The following TENM2 variants were observed in gnomAD, a reference collection of about 807,000 sequenced individuals.
TENM2 encodes the protein teneurin-2.
Under a neutral mutation model 245.2 loss-of-function variants are expected in TENM2, and 52 were observed. The observed-to-expected ratio is 0.21, with a 90% confidence interval of 0.17 to 0.27. The LOEUF is 0.27. TENM2 is among the 10% of genes least tolerant of loss of function. TENM2 has a pLI of 1.00. For synonymous variants in TENM2, 1,363 were observed against 1,438.9 expected, an observed-to-expected ratio of 0.95 and a Z score of 1.19; for missense variants, 3,046 against 3,666.8, an observed-to-expected ratio of 0.83 and a Z score of 4.37.
chr5:167,799,614 G>A (rs781175642), intron 2 of TENM2, among the ~76,000 whole-genome samples: 1 of 152,228 alleles, frequency 6.6e-6, no homozygotes. Context: ...GATGCTTTGT[G>A]TTAAGGTTCA....
At position 167,358,127 on chromosome 5, in the gene TENM2, ACTT is replaced by A. The variant is rs530234110; in HGVS notation, c.227-17065_227-17063del. Among the ~76,000 whole-genome samples the A allele has an allele frequency of 1.9e-4, 29 of 152,154 alleles. No homozygotes were observed. In the East Asian group the frequency reaches 5.4e-3, roughly 28 times the overall value. On this transcript the variant is annotated intron_variant, in intron 1 of 28. Transcript: ENST00000518659. Reference sequence around the variant, plus strand: ...TCTTTTCCCTGACTTACATTCACCCACTTCTTCTACCAGTTACTGCCACATTCC... The same window carrying A: ...TCTTTTCCCTGACTTACATTCACCCACTTCTACCAGTTACTGCCACATTCC...
exon 29 of TENM2, chr5:168,262,462 C>T (rs1043952229): frequency 1.2e-5 from 18 of 1,565,090 alleles, no homozygotes; most frequent in African/African-American, 2.7e-5. Flanking sequence ...TGCTGGTCAA[C>T]GGCAGGACTC....
chr5:167,046,268 C>A, the TENM2 span, among the ~76,000 whole-genome samples: 1 of 152,050 alleles, frequency 6.6e-6, no homozygotes, highest in East Asian at 1.9e-4. Context: ...GGGATTTTTT[C>A]CCCCAAATAT....
the TENM2 span, among the ~76,000 whole-genome samples, chr5:167,197,822 G>A: frequency 6.6e-6 from 1 of 151,800 alleles, no homozygotes; most frequent in Admixed American, 6.6e-5. Flanking sequence ...TCTTTCTAGA[G>A]TATGAGATAT....
rs149689149 is a variant in TENM2, at chr5:168,188,175, C to T, written c.2570-2162C>T. ...AAATTACATATTTCATTTTCATTAG[C>T]GGAACCAAACGAAAAGGGTAATGCC... On this transcript the variant is annotated intron_variant, in intron 13 of 28. Coordinates refer to ENST00000518659, the Ensembl canonical transcript of TENM2. Among the ~76,000 whole-genome samples the T allele has an allele frequency of 2.0e-5, 3 of 152,232 alleles. No individual in the cohort carries two copies. The East Asian group carries it at 5.8e-4, about 29-fold the overall frequency.
chr5:167,397,590 G>A (rs193265519), intron 2 of TENM2, among the ~76,000 whole-genome samples: 2 of 152,218 alleles, frequency 1.3e-5, no homozygotes, highest in Non-Finnish European at 2.9e-5. Flanking sequence ...TAATAATGTG[G>A]TGAATTAACA....
the TENM2 span, among the ~76,000 whole-genome samples, chr5:167,114,463 A>C: frequency 6.6e-6 from 1 of 152,218 alleles, no homozygotes; most frequent in Non-Finnish European, 1.5e-5. Context: ...ATTATCAGGA[A>C]AATAATCACT....
rs142628872 is a variant in TENM2 at position 167,533,319 on chromosome 5, T to C, written c.502+157846T>C. Among the ~76,000 whole-genome samples the C allele has an allele frequency of 2.9e-4, 44 of 152,246 alleles. No individual in the cohort carries two copies. The East Asian group carries it at 8.1e-3, about 28-fold the overall frequency. The stretch of plus-strand genomic sequence containing the variant: ...GAAGTTTCTGAACTTGGAGGTACCA[T>C]GTTCATAGTGGTTTTGGAAAGTTTT... On this transcript the variant is annotated intron_variant, in intron 2 of 28. Coordinates refer to ENST00000518659, the Ensembl canonical transcript of TENM2.
At chr5:168,146,657 T>A (rs1480020806) in intron 12 of TENM2, among the ~76,000 whole-genome samples, 6 of 152,230 alleles carry the variant, frequency 3.9e-5, no homozygotes, top group Non-Finnish European at 7.3e-5. Context: ...GTCCCATTGC[T>A]AAGTTCTCAG....
the TENM2 span, among the ~76,000 whole-genome samples, chr5:167,094,177 C>T: frequency 6.6e-6 from 1 of 152,014 alleles, no homozygotes; most frequent in Admixed American, 6.6e-5. Flanking sequence ...TTATATATTA[C>T]AATTTTCTTG....
At chr5:167,378,247 A>C (rs1052662110) in intron 2 of TENM2, among the ~76,000 whole-genome samples, 1 of 152,106 alleles carries the variant, frequency 6.6e-6, no homozygotes, top group Non-Finnish European at 1.5e-5. Context: ...TAAAATCTTT[A>C]ATTTTGCCAA....
intron 2 of TENM2, among the ~76,000 whole-genome samples, chr5:167,761,696 G>T (rs575931673): frequency 2.0e-5 from 3 of 152,148 alleles, no homozygotes; most frequent in Admixed American, 1.3e-4. Flanking sequence ...ATGGATTGAG[G>T]ACCACAGGCC....
the TENM2 span, among the ~76,000 whole-genome samples, chr5:167,032,269 G>A: frequency 6.6e-6 from 1 of 152,198 alleles, no homozygotes; most frequent in Non-Finnish European, 1.5e-5. Flanking sequence ...ACAGAGAGCA[G>A]TGGTACAATC....
chr5:167,264,425 T>C, the TENM2 span, among the ~76,000 whole-genome samples: 1 of 152,202 alleles, frequency 6.6e-6, no homozygotes, highest in East Asian at 1.9e-4. Context: ...TGAAATAATT[T>C]AGCTGTTACT....
Position 167,351,459 on chromosome 5 carries a change from A to G in TENM2, c.227-23739A>G, listed in dbSNP as rs187377029. On this transcript the variant is annotated intron_variant, in intron 1 of 28. Coordinates refer to ENST00000518659, the Ensembl canonical transcript of TENM2. ...CTTCTGCTTCACAAGAACTAGACAC[A>G]TGGCCTGACCTAGATGCTATGGGTT... is the stretch of plus-strand genomic sequence containing the variant. Among the ~76,000 whole-genome samples, 416 of 152,278 alleles carry G rather than the reference A, an allele frequency of 2.7e-3. 1 individual carries two copies. The highest frequency in any genetic ancestry group is 9.7e-3 in the African/African-American group (403 of 41,552).
intron 2 of TENM2, among the ~76,000 whole-genome samples, chr5:167,376,647 A>T (rs556058307): frequency 6.6e-6 from 1 of 152,254 alleles, no homozygotes; most frequent in East Asian, 1.9e-4. Flanking sequence ...CAGTGGGGAC[A>T]AGGGGATGTG....
At chr5:167,145,482 G>A in the TENM2 span, among the ~76,000 whole-genome samples, 1 of 152,262 alleles carries the variant, frequency 6.6e-6, no homozygotes, top group African/African-American at 2.4e-5. Context: ...AAGGTAGAAG[G>A]AACAGAACAT....
intron 2 of TENM2, among the ~76,000 whole-genome samples, chr5:167,592,304 A>T (rs1775930951): frequency 6.6e-6 from 1 of 152,148 alleles, no homozygotes; most frequent in African/African-American, 2.4e-5. Context: ...ACATTCTGCT[A>T]TTGTTACTGG....
intron 10 of TENM2, among the ~76,000 whole-genome samples, chr5:168,123,916 T>A (rs1019492037): frequency 5.9e-5 from 9 of 152,238 alleles, no homozygotes; most frequent in Admixed American, 6.5e-5. Flanking sequence ...AACCCTTAGA[T>A]TGAATGGAGG....
Sources: gnomAD v4.1 joint callset for allele counts (sites outside exome capture counted in the v4.1 genomes callset) on GRCh38, gnomAD v4.1.1 for gene constraint, MANE v1.5 for transcripts, NCBI Gene and HGNC (gene_info 2026-07-23, HGNC 2026-07-21) for gene names.